Variants in PATJ observed in about 807,000 individuals in gnomAD.
PATJ encodes inaD-like protein.
In PATJ, 190 loss-of-function variants were observed where a neutral mutation model predicts 224.9. The ratio of observed to expected loss-of-function variants is 0.84; its 90% CI spans 0.75 to 0.95. The LOEUF is 0.95. Ranked by LOEUF, PATJ falls within the 40% of genes least tolerant of loss-of-function variation. The pLI is 0.00. For missense variants in PATJ, 2,121 were observed against 2,270.3 expected, an observed-to-expected ratio of 0.93 and a Z score of 1.34; for synonymous variants, 769 against 820.3, an observed-to-expected ratio of 0.94 and a Z score of 1.07.
intron 29 of PATJ, among the ~76,000 whole-genome samples, chr1:62,032,364 C>G (rs1446762334): frequency 1.3e-5 from 2 of 152,110 alleles, no homozygotes; most frequent in African/African-American, 4.8e-5. Flanking sequence ...TTAAGTCAAC[C>G]TACTAATTTA....
At chr1:62,059,285 G>C (rs1180260540) in intron 31 of PATJ, among the ~76,000 whole-genome samples, 3 of 152,174 alleles carry the variant, frequency 2.0e-5, no homozygotes, top group Non-Finnish European at 4.4e-5. Context: ...GGATTATAAA[G>C]ATGAGATTAA....
chr1:62,065,853 C>T (rs1263778316), intron 31 of PATJ, among the ~76,000 whole-genome samples: 1 of 152,198 alleles, frequency 6.6e-6, no homozygotes, highest in Non-Finnish European at 1.5e-5. Context: ...ACACCGGTCA[C>T]ATCCCCTCCT....
intron 20 of PATJ, among the ~76,000 whole-genome samples, chr1:61,869,262 AC>A (rs1219382242): frequency 6.7e-6 from 1 of 150,332 alleles, no homozygotes; most frequent in Admixed American, 6.6e-5. Flanking sequence ...GCCCGCCACT[AC>A]GCCCGGCTAA....
At chr1:61,943,315 C>T (rs1005784782) in intron 27 of PATJ, among the ~76,000 whole-genome samples, 4 of 152,118 alleles carry the variant, frequency 2.6e-5, no homozygotes, top group Non-Finnish European at 4.4e-5. Flanking sequence ...CCAGGAAGTG[C>T]GAGGGGTCAG....
chr1:61,866,878 A>G (rs953657999), intron 20 of PATJ, among the ~76,000 whole-genome samples: 3 of 152,210 alleles, frequency 2.0e-5, no homozygotes, highest in African/African-American at 7.2e-5. Flanking sequence ...TTTTTTGATT[A>G]TATGCTAAAT....
intron 17 of PATJ, among the ~76,000 whole-genome samples, chr1:61,850,350 T>A (rs1412389108): frequency 1.3e-5 from 2 of 152,232 alleles, no homozygotes; most frequent in Non-Finnish European, 2.9e-5. Context: ...GATTATCACA[T>A]GTTTGAATCT....
chr1:62,138,902 C>A (rs1413538989), intron 41 of PATJ, among the ~76,000 whole-genome samples: 2 of 152,086 alleles, frequency 1.3e-5, no homozygotes, highest in South Asian at 2.1e-4. Context: ...GTGCCTTCCC[C>A]AGAAGGAATC....
intron 4 of PATJ, among the ~76,000 whole-genome samples, chr1:61,768,254 G>A (rs1284001496): frequency 1.3e-5 from 2 of 151,924 alleles, no homozygotes; most frequent in Non-Finnish European, 2.9e-5. Flanking sequence ...CGGATCACGA[G>A]GTCAGGAGAT....
intron 28 of PATJ, among the ~76,000 whole-genome samples, chr1:61,993,838 A>C (rs1395878287): frequency 6.6e-6 from 1 of 152,154 alleles, no homozygotes; most frequent in African/African-American, 2.4e-5. Flanking sequence ...AACTTCCGGT[A>C]TCTGTTTGCT....
intron 27 of PATJ, chr1:61,952,029 C>T (rs971785777): frequency 1.2e-5 from 3 of 242,014 alleles, no homozygotes; most frequent in African/African-American, 6.7e-5. Flanking sequence ...AGCTATTATC[C>T]TGAGGCGAGC....
At chr1:62,160,869 T>C in intron 43 of PATJ, 39 bp from the exon 44 acceptor site, 1 of 1,609,170 alleles carries the variant, frequency 6.2e-7, no homozygotes, top group Non-Finnish European at 8.5e-7. Flanking sequence ...ATAAACTGTG[T>C]TTTACCCTGG....
At chr1:62,011,409 G>T (rs143590331) in intron 28 of PATJ, among the ~76,000 whole-genome samples, 26 of 152,278 alleles carry the variant, frequency 1.7e-4, no homozygotes, top group African/African-American at 5.8e-4. Flanking sequence ...GAATCGGAAG[G>T]CCTCGGAGGA....
intron 21 of PATJ, among the ~76,000 whole-genome samples, chr1:61,878,054 T>G (rs2149041807): frequency 6.6e-6 from 1 of 152,312 alleles, no homozygotes; most frequent in East Asian, 1.9e-4. Flanking sequence ...ACAGGTAGCC[T>G]TTGTGTGGAG....
chr1:62,150,712 A>ATAAACAG (rs1668543953), intron 42 of PATJ, among the ~76,000 whole-genome samples: 1 of 151,696 alleles, frequency 6.6e-6, no homozygotes, highest in Non-Finnish European at 1.5e-5. Context: ...AAGAATTGGA[A>ATAAACAG]TAAACAGGTG....
intron 17 of PATJ, chr1:61,852,701 A>G (rs1486624340): frequency 1.3e-5 from 2 of 152,086 alleles, no homozygotes; most frequent in Non-Finnish European, 2.9e-5. Flanking sequence ...AATATCATAG[A>G]TTGTATTTTC....
chr1:62,043,776 G>A (rs545372107), intron 30 of PATJ, among the ~76,000 whole-genome samples: 22 of 152,114 alleles, frequency 1.4e-4, no homozygotes, highest in African/African-American at 5.1e-4. Context: ...TTGCCAGGCT[G>A]GAGTGCAGTG....
intron 33 of PATJ, among the ~76,000 whole-genome samples, chr1:62,106,158 G>GTGTGTGTATATATATATA (rs1356937495): frequency 4.2e-5 from 2 of 48,064 alleles, no homozygotes; most frequent in African/African-American, 1.4e-4. Context: ...GTGTGTGTGT[G>GTGTGTGTATATATATATA]TATATATATA....
chr1:61,929,708 A>G lies in PATJ; in HGVS notation c.3670+1879A>G, dbSNP rs373820860. 3.5e-4 allele frequency among the ~76,000 whole-genome samples: 54 copies of G among 152,308 alleles called. 1 individual carries two copies. In the East Asian group the frequency reaches 7.7e-3, roughly 22 times the overall value. On this transcript the variant is annotated intron_variant, in intron 27 of 43. Coordinates refer to ENST00000642238, the MANE Select transcript of PATJ (RefSeq NM_001350145.3). ...ACATCATCGATACTTGCTGTTACTT[A>G]AAACTCATTATGATTGCAGAAATAG... is the stretch of plus-strand genomic sequence containing the variant.
intron 27 of PATJ, among the ~76,000 whole-genome samples, chr1:61,981,653 A>G (rs1371561182): frequency 2.0e-5 from 3 of 151,566 alleles, no homozygotes; most frequent in Non-Finnish European, 4.4e-5. Context: ...GAAACTCAGG[A>G]AAGCCTATTT....
Sources: gnomAD v4.1 joint callset for allele counts (sites outside exome capture counted in the v4.1 genomes callset) on GRCh38, gnomAD v4.1.1 for gene constraint, MANE v1.5 for transcripts, NCBI Gene and HGNC (gene_info 2026-07-23, HGNC 2026-07-21) for gene names.